The following SLC24A2 variants were observed in gnomAD, a reference collection of about 807,000 sequenced individuals.
The protein encoded by SLC24A2 is sodium/potassium/calcium exchanger 2.
Under a neutral mutation model 62.0 loss-of-function variants are expected in SLC24A2, and 36 were observed. The ratio of observed to expected loss-of-function variants is 0.58; its 90% confidence interval spans 0.44 to 0.77. The LOEUF is 0.77. SLC24A2 is among the 30% of genes least tolerant of loss of function. The pLI, the probability that SLC24A2 is intolerant of heterozygous loss-of-function variation, is 0.00. For synonymous variants in SLC24A2, 358 were observed against 294.0 expected (o/e 1.22, Z -2.23); for missense variants, 846 against 817.9 (o/e 1.03, Z -0.42).
At chr9:20,139,973 G>A in the SLC24A2 span, among the ~76,000 whole-genome samples, 8 of 152,160 alleles carry the variant, frequency 5.3e-5, no homozygotes, top group East Asian at 1.9e-4. Flanking sequence ...GAGACTATGC[G>A]GTGCGTTCCC....
At chr9:19,647,068 G>GCGCGCA (rs746685999) in intron 2 of SLC24A2, among the ~76,000 whole-genome samples, 14 of 80,050 alleles carry the variant, frequency 1.7e-4, no homozygotes, top group Non-Finnish European at 2.4e-4. Flanking sequence ...ACACACGCGC[G>GCGCGCA]CACACACACA....
chr9:19,805,036 A>G, the SLC24A2 span, among the ~76,000 whole-genome samples: 1 of 152,154 alleles, frequency 6.6e-6, no homozygotes, highest in Non-Finnish European at 1.5e-5. Context: ...TTTAATTATT[A>G]AAGCTGACAT....
At chr9:19,898,659 G>A in the SLC24A2 span, among the ~76,000 whole-genome samples, 6 of 150,462 alleles carry the variant, frequency 4.0e-5, no homozygotes, top group African/African-American at 9.8e-5. Context: ...GGAGAATGGC[G>A]TGAACCCAGG....
the SLC24A2 span, among the ~76,000 whole-genome samples, chr9:20,070,730 C>T: frequency 1.3e-5 from 2 of 152,162 alleles, no homozygotes; most frequent in African/African-American, 2.4e-5. Context: ...GATTAATGCT[C>T]AAAAACCCTC....
chr9:19,863,886 T>C, the SLC24A2 span, among the ~76,000 whole-genome samples: 1 of 151,010 alleles, frequency 6.6e-6, no homozygotes, highest in Non-Finnish European at 1.5e-5. Context: ...ATATAAAAGA[T>C]CAACGAAACA....
At chr9:20,135,052 C>G in the SLC24A2 span, among the ~76,000 whole-genome samples, 1 of 152,114 alleles carries the variant, frequency 6.6e-6, no homozygotes, top group South Asian at 2.1e-4. Context: ...AAGCAGACAT[C>G]TTTTTAGAAG....
intron 5 of SLC24A2, among the ~76,000 whole-genome samples, chr9:19,582,895 C>T (rs963921054): frequency 6.6e-6 from 1 of 152,026 alleles, no homozygotes; most frequent in Non-Finnish European, 1.5e-5. Flanking sequence ...TTTCCTTCCA[C>T]CCCTTTCCCA....
the SLC24A2 span, among the ~76,000 whole-genome samples, chr9:20,211,566 G>A: frequency 6.6e-6 from 1 of 151,990 alleles, no homozygotes; most frequent in Admixed American, 6.6e-5. Context: ...TTAGAGACTT[G>A]GAGTATTGAA....
intron 2 of SLC24A2, among the ~76,000 whole-genome samples, chr9:19,694,936 C>G (rs1229770582): frequency 1.3e-5 from 2 of 151,340 alleles, no homozygotes; most frequent in Admixed American, 6.6e-5. Context: ...CTGTTTTTTT[C>G]TTTTTCCTCC....
At chr9:20,231,357 TA>T in the SLC24A2 span, among the ~76,000 whole-genome samples, 1 of 152,258 alleles carries the variant, frequency 6.6e-6, no homozygotes, top group African/African-American at 2.4e-5. Context: ...TGATTCTTCC[TA>T]CCCATGAGCA....
At chr9:20,107,786 C>A in the SLC24A2 span, among the ~76,000 whole-genome samples, 1 of 152,074 alleles carries the variant, frequency 6.6e-6, no homozygotes, top group East Asian at 1.9e-4. Context: ...TAGGCATGGG[C>A]AAGGACTTCA....
the SLC24A2 span, among the ~76,000 whole-genome samples, chr9:20,160,286 G>A: frequency 1.3e-5 from 2 of 151,354 alleles, no homozygotes; most frequent in East Asian, 1.9e-4. Flanking sequence ...GTAAACACCT[G>A]TGTAAAGAAT....
chr9:19,830,919 G>A, the SLC24A2 span, among the ~76,000 whole-genome samples: 3 of 152,160 alleles, frequency 2.0e-5, no homozygotes, highest in African/African-American at 2.4e-5. Flanking sequence ...CCAGACCAAG[G>A]CATCAGCAGG....
At chr9:20,140,611 C>G in the SLC24A2 span, among the ~76,000 whole-genome samples, 1 of 152,170 alleles carries the variant, frequency 6.6e-6, no homozygotes, top group African/African-American at 2.4e-5. Context: ...ACCCTGACCT[C>G]AGAATTTCTC....
chr9:19,850,855 G>T, the SLC24A2 span, among the ~76,000 whole-genome samples: 1 of 145,746 alleles, frequency 6.9e-6, no homozygotes, highest in Non-Finnish European at 1.5e-5. Context: ...TGTTTATCTA[G>T]TCACCAGCTG....
the SLC24A2 span, among the ~76,000 whole-genome samples, chr9:20,215,265 C>A: frequency 6.6e-6 from 1 of 152,160 alleles, no homozygotes; most frequent in East Asian, 1.9e-4. Flanking sequence ...CCGAATCACA[C>A]GCCAAAGGTC....
chr9:19,909,162 A>G, the SLC24A2 span, among the ~76,000 whole-genome samples: 1 of 152,194 alleles, frequency 6.6e-6, no homozygotes, highest in Non-Finnish European at 1.5e-5. Context: ...ATAATAAATG[A>G]TGAGTTCACG....
At chr9:19,594,184 C>T (rs1836639077) in intron 5 of SLC24A2, among the ~76,000 whole-genome samples, 1 of 152,086 alleles carries the variant, frequency 6.6e-6, no homozygotes, top group African/African-American at 2.4e-5. Context: ...CTGTCATCTT[C>T]TGAACACCTG....
the SLC24A2 span, among the ~76,000 whole-genome samples, chr9:19,832,688 C>G: frequency 2.0e-5 from 3 of 152,302 alleles, no homozygotes; most frequent in South Asian, 6.2e-4. Context: ...TGGGCAAGGA[C>G]TTCATGTCTA....
Sources: gnomAD v4.1 joint callset for allele counts (sites outside exome capture counted in the v4.1 genomes callset) on GRCh38, gnomAD v4.1.1 for gene constraint, MANE v1.5 for transcripts, NCBI Gene and HGNC (gene_info 2026-07-23, HGNC 2026-07-21) for gene names.